The following SIPA1L2 variants were observed in gnomAD, a reference collection of about 807,000 sequenced individuals.
SIPA1L2 encodes signal induced proliferation associated 1 like 2.
In SIPA1L2, 56 loss-of-function variants were observed where a neutral mutation model predicts 163.9. The observed-to-expected ratio is 0.34, with a 90% CI of 0.28 to 0.43. The LOEUF is 0.43. Ranked by LOEUF, SIPA1L2 falls within the 20% of genes least tolerant of loss-of-function variation. The pLI is 1.00. For synonymous variants in SIPA1L2, 877 were observed against 865.7 expected (o/e 1.01, Z -0.23); for missense variants, 1,974 against 2,193.5 (o/e 0.90, Z 2.00).
chr1:232,461,356 A>C (rs1397714627), intron 9 of SIPA1L2, among the ~76,000 whole-genome samples, 195 bp from the exon 10 acceptor site: 1 of 152,234 alleles, frequency 6.6e-6, no homozygotes, highest in Non-Finnish European at 1.5e-5. Context: ...GCTGATCACA[A>C]TTAACATTTG....
rs201730315 is a variant in SIPA1L2 at position 232,461,131 on chromosome 1, T to C, written c.2851A>G (p.Met951Val). Residue 951 changes from methionine to valine, a missense_variant, in exon 10 of 23, where the codon ATG (methionine) becomes GTG (valine). By Grantham distance (21) the Met-to-Val change is conservative. This residue lies in a region of SIPA1L2 where 1,079 missense variants were observed against 1,150.7 expected (regional missense o/e 0.94). Coordinates refer to ENST00000674635, the MANE Select transcript of SIPA1L2 (RefSeq NM_020808.5). ...CCCAGCCCGTTCCTCCTCAGGGTCA[T>C]TTCCACAGTCTCGCAGCCTCTCGTC... ...IVTRGCETVE[M>V]TLRRNGLGQL... 1,186 of 1,614,262 alleles carry C rather than the reference T, an allele frequency of 7.3e-4. 7 individuals are homozygous for C. The highest frequency in any genetic ancestry group is 4.0e-4 in the Non-Finnish European group (471 of 1,180,028).
chr1:232,543,881 A>G (rs1243572156), intron 2 of SIPA1L2, among the ~76,000 whole-genome samples: 6 of 152,128 alleles, frequency 3.9e-5, no homozygotes, highest in Non-Finnish European at 8.8e-5. Flanking sequence ...AACAAAACAT[A>G]TAAAATATAA....
chr1:232,403,778 T>G (rs1329345765), intron 20 of SIPA1L2, among the ~76,000 whole-genome samples: 3 of 152,228 alleles, frequency 2.0e-5, no homozygotes. Context: ...CCTACTGGGC[T>G]GTATGGCCTA....
intron 16 of SIPA1L2, among the ~76,000 whole-genome samples, chr1:232,431,745 A>C (rs1662255150): frequency 6.6e-6 from 1 of 152,204 alleles, no homozygotes; most frequent in African/African-American, 2.4e-5. Flanking sequence ...AGTATTTTTA[A>C]ATCTTTTTCT....
chr1:232,441,933 G>C (rs1662924362), intron 12 of SIPA1L2, 65 bp from the exon 13 acceptor site: 2 of 1,390,780 alleles, frequency 1.4e-6, no homozygotes, highest in Non-Finnish European at 2.0e-6. Context: ...ATGCACACGG[G>C]AGTGCTGGCT....
At chr1:232,442,785 C>T (rs1200591294) in intron 12 of SIPA1L2, among the ~76,000 whole-genome samples, 1 of 152,206 alleles carries the variant, frequency 6.6e-6, no homozygotes, top group African/African-American at 2.4e-5. Flanking sequence ...AAAAAATCCT[C>T]TCTTGGCTTA....
chr1:232,485,254 T>C (rs150691122), intron 5 of SIPA1L2, among the ~76,000 whole-genome samples: 2 of 152,352 alleles, frequency 1.3e-5, no homozygotes, highest in East Asian at 1.9e-4. Context: ...ATGGATGCTA[T>C]GGCATTGCAG....
At chr1:232,468,811 T>C (rs750459283) in intron 8 of SIPA1L2, among the ~76,000 whole-genome samples, 43 of 152,218 alleles carry the variant, frequency 2.8e-4, no homozygotes, top group Non-Finnish European at 4.8e-4. Flanking sequence ...TCTTGGAAAG[T>C]ACATAAAAAC....
chr1:232,431,035 T>C (rs1662204579), intron 16 of SIPA1L2, among the ~76,000 whole-genome samples: 1 of 152,190 alleles, frequency 6.6e-6, no homozygotes, highest in African/African-American at 2.4e-5. Context: ...GCATAAACCC[T>C]GGGCTTTTGC....
At chr1:232,579,746 T>C (rs1008258491) in intron 1 of SIPA1L2, among the ~76,000 whole-genome samples, 2 of 152,134 alleles carry the variant, frequency 1.3e-5, no homozygotes, top group African/African-American at 4.8e-5. Flanking sequence ...CTCTCCAAGC[T>C]CGATGAAAAA....
intron 15 of SIPA1L2, among the ~76,000 whole-genome samples, chr1:232,436,326 G>T (rs923152876): frequency 2.6e-4 from 39 of 152,218 alleles, no homozygotes; most frequent in Admixed American, 2.0e-4. Flanking sequence ...GCGATAAGTG[G>T]CCTTCTTGTG....
At chr1:232,545,771 C>T (rs1347197609) in intron 2 of SIPA1L2, among the ~76,000 whole-genome samples, 1 of 152,182 alleles carries the variant, frequency 6.6e-6, no homozygotes, top group African/African-American at 2.4e-5. Flanking sequence ...AATAGAATTA[C>T]ATAATAGTAT....
chr1:232,597,407 G>A (rs1234921363), intron 1 of SIPA1L2, among the ~76,000 whole-genome samples: 3 of 152,008 alleles, frequency 2.0e-5, no homozygotes, highest in East Asian at 3.9e-4. Flanking sequence ...GCCGGGCGCG[G>A]TGGCTCACAC....
chr1:232,527,114 T>C (rs551063417), intron 2 of SIPA1L2, among the ~76,000 whole-genome samples: 1 of 152,336 alleles, frequency 6.6e-6, no homozygotes, highest in East Asian at 1.9e-4. Flanking sequence ...CTCCACTGTG[T>C]CAAGTCTAAA....
intron 5 of SIPA1L2, among the ~76,000 whole-genome samples, chr1:232,486,140 C>A (rs535456458): frequency 2.0e-5 from 3 of 152,304 alleles, no homozygotes; most frequent in African/African-American, 7.2e-5. Flanking sequence ...TCCCATCCAG[C>A]TCTTAAATGA....
At chr1:232,533,180 G>A (rs1295800557) in intron 2 of SIPA1L2, among the ~76,000 whole-genome samples, 1 of 152,108 alleles carries the variant, frequency 6.6e-6, no homozygotes, top group Non-Finnish European at 1.5e-5. Context: ...GATTGGGTGT[G>A]GGGCCCCCAG....
intron 18 of SIPA1L2, among the ~76,000 whole-genome samples, chr1:232,423,144 T>C (rs1466893158): frequency 6.6e-6 from 1 of 152,216 alleles, no homozygotes; most frequent in African/African-American, 2.4e-5. Context: ...TAGTGTATTG[T>C]GTTGCAAGAT....
chr1:232,472,250 T>C (rs896735819), intron 7 of SIPA1L2, among the ~76,000 whole-genome samples: 2 of 152,198 alleles, frequency 1.3e-5, no homozygotes, highest in African/African-American at 4.8e-5. Context: ...CAGTTGTCTC[T>C]GTAGATCCCA....
chr1:232,428,603 TA>T, intron 16 of SIPA1L2, 39 bp from the exon 17 acceptor site: 2 of 1,452,888 alleles, frequency 1.4e-6, no homozygotes, highest in Non-Finnish European at 9.1e-7. Context: ...AGCCTATTTG[TA>T]AAGTGCCTGT....
Sources: gnomAD v4.1 joint callset for allele counts (sites outside exome capture counted in the v4.1 genomes callset) on GRCh38, gnomAD v4.1.1 for gene constraint, gnomAD v4.1.1 regional missense constraint, MANE v1.5 for transcripts, NCBI Gene and HGNC (gene_info 2026-07-23, HGNC 2026-07-21) for gene names.